CDK6: variants seen among roughly 807,000 people sequenced by gnomAD.
CDK6 encodes the protein cyclin dependent kinase 6.
In CDK6, 6 loss-of-function variants were observed where a neutral mutation model predicts 37.1. The observed-to-expected ratio is 0.16, with a 90% CI of 0.09 to 0.32. The LOEUF is 0.32. Ranked by LOEUF, CDK6 falls within the 10% of genes least tolerant of loss-of-function variation. The pLI, the probability that CDK6 is intolerant of heterozygous loss-of-function variation, is 1.00. For missense variants in CDK6, 224 were observed against 418.9 expected (o/e 0.53, Z 4.06); for synonymous variants, 160 against 161.3 (o/e 0.99, Z 0.06).
intron 4 of CDK6, among the ~76,000 whole-genome samples, chr7:92,712,085 G>A (rs986518639): frequency 1.3e-5 from 2 of 151,652 alleles, no homozygotes; most frequent in East Asian, 1.9e-4. Flanking sequence ...CTGTGAACCC[G>A]GGAGGCAGAG....
At chr7:92,766,133 T>G (rs1254380313) in intron 3 of CDK6, among the ~76,000 whole-genome samples, 9 of 152,144 alleles carry the variant, frequency 5.9e-5, no homozygotes, top group Admixed American at 2.6e-4. Context: ...AGCTAAGTTT[T>G]CAGTAGGGAA....
At chr7:92,784,323 T>C (rs1042516955) in intron 2 of CDK6, among the ~76,000 whole-genome samples, 4 of 152,064 alleles carry the variant, frequency 2.6e-5, no homozygotes, top group Non-Finnish European at 5.9e-5. Context: ...CCAGTTCCAA[T>C]ACAAAATAGA....
At chr7:92,712,986 G>A (rs1348451944) in intron 4 of CDK6, among the ~76,000 whole-genome samples, 2 of 152,030 alleles carry the variant, frequency 1.3e-5, no homozygotes, top group Admixed American at 6.5e-5. Flanking sequence ...GCCCCAGCCT[G>A]TAGCTGGGAC....
At chr7:92,719,492 A>C (rs1260815434) in intron 4 of CDK6, among the ~76,000 whole-genome samples, 1 of 152,198 alleles carries the variant, frequency 6.6e-6, no homozygotes, top group Non-Finnish European at 1.5e-5. Flanking sequence ...TTTTCAGAAC[A>C]TGTATATCTT....
chr7:92,673,777 C>T (rs894736974), intron 4 of CDK6, among the ~76,000 whole-genome samples: 4 of 151,764 alleles, frequency 2.6e-5, no homozygotes, highest in African/African-American at 7.3e-5. Context: ...TTTGTTCCTT[C>T]CTTTTTTTTT....
intron 4 of CDK6, among the ~76,000 whole-genome samples, chr7:92,722,448 C>T (rs1798390296): frequency 6.6e-6 from 1 of 152,202 alleles, no homozygotes; most frequent in Non-Finnish European, 1.5e-5. Context: ...AATACACAGA[C>T]TGTGAACTTG....
At chr7:92,720,472 T>C (rs966161055) in intron 4 of CDK6, among the ~76,000 whole-genome samples, 1 of 152,180 alleles carries the variant, frequency 6.6e-6, no homozygotes, top group African/African-American at 2.4e-5. Flanking sequence ...CAAAATGAAA[T>C]GGTTGATAAA....
rs149241150 is a variant in CDK6, at chr7:92,609,955, A to AT, written c.*5184dup. The AT allele has an allele frequency of 4.3e-3, 999 of 230,290 alleles. 10 individuals carry two copies. The highest frequency in any genetic ancestry group is 0.021 in the African/African-American group (951 of 45,342). 14.3% of individuals were successfully genotyped at this position (230,290 alleles called of 1,614,324 possible). On this transcript the variant is annotated 3_prime_UTR_variant, in exon 8 of 8. Transcript: ENST00000424848. ...TAAAATATTGAAGTTACAGAACATT[A>AT]TAGAGACTATTAATCATCCCAAAAA... is the stretch of plus-strand genomic sequence containing the variant.
At chr7:92,652,243 T>A (rs963767876) in intron 5 of CDK6, among the ~76,000 whole-genome samples, 3 of 152,238 alleles carry the variant, frequency 2.0e-5, no homozygotes, top group Non-Finnish European at 4.4e-5. Flanking sequence ...AGTTTAACCC[T>A]ATTTGCCTTT....
At chr7:92,796,905 C>T (rs770383696) in intron 2 of CDK6, among the ~76,000 whole-genome samples, 1 of 151,950 alleles carries the variant, frequency 6.6e-6, no homozygotes, top group Non-Finnish European at 1.5e-5. Flanking sequence ...AGACAGGTAA[C>T]ATGGTATCCC....
chr7:92,794,277 A>T (rs1193211174), intron 2 of CDK6, among the ~76,000 whole-genome samples: 1 of 152,116 alleles, frequency 6.6e-6, no homozygotes, highest in Non-Finnish European at 1.5e-5. Context: ...AGGTACCATC[A>T]TCTCTTTCAC....
At chr7:92,751,039 A>AT (rs964945835) in intron 3 of CDK6, among the ~76,000 whole-genome samples, 8 of 152,110 alleles carry the variant, frequency 5.3e-5, no homozygotes, top group Admixed American at 3.3e-4. Flanking sequence ...AGGTCTTCGT[A>AT]TTTTTTTACA....
chr7:92,827,431 TG>T (rs1243627722), intron 2 of CDK6, among the ~76,000 whole-genome samples: 1 of 152,280 alleles, frequency 6.6e-6, no homozygotes, highest in African/African-American at 2.4e-5. Context: ...ACTGTACACT[TG>T]CATAGATTCC....
In CDK6 at chr7:92,659,637, A is replaced by AC. The variant is rs1307634268; in HGVS notation, c.647+11788dup. Among the ~76,000 whole-genome samples, 802 of 135,308 alleles carry AC rather than the reference A, an allele frequency of 5.9e-3. 7 individuals carry two copies. The highest frequency in any genetic ancestry group is 0.021 in the African/African-American group (762 of 35,636). The allele number at this position is 135,308 out of a possible 152,430, so 88.8% of individuals were successfully genotyped here. A position where few individuals can be genotyped will look rare whatever the true frequency, so the allele number is the denominator to read the frequency against. On this transcript the variant is annotated intron_variant, in intron 5 of 7. Coordinates refer to ENST00000424848, the MANE Select transcript of CDK6 (RefSeq NM_001145306.2). ...ACACACACACACACACACACACACC[A>AC]CACACACACACACTTTTGAATTCAT...
chr7:92,642,400 C>T (rs1437048048), intron 5 of CDK6, among the ~76,000 whole-genome samples: 2 of 152,082 alleles, frequency 1.3e-5, no homozygotes, highest in Non-Finnish European at 2.9e-5. Context: ...GCCATGCCGC[C>T]CAGCCCACTG....
At chr7:92,781,234 C>A (rs1333854081) in intron 2 of CDK6, among the ~76,000 whole-genome samples, 1 of 152,236 alleles carries the variant, frequency 6.6e-6, no homozygotes, top group Non-Finnish European at 1.5e-5. Context: ...CCCTAACTCT[C>A]CCACAAAGTA....
intron 2 of CDK6, among the ~76,000 whole-genome samples, chr7:92,805,446 C>T (rs1036103877): frequency 4.6e-5 from 7 of 152,162 alleles, no homozygotes; most frequent in African/African-American, 1.7e-4. Flanking sequence ...ATGATTTTCC[C>T]ACCAAAATGA....
At position 92,833,718 on chromosome 7, in the gene CDK6, G is replaced by C. The variant is rs902929216; in HGVS notation, c.-367-28C>G. ...AAAGGAGGAGACGGGAGGATAAGAA[G>C]AAAGTGCAATCAGACAGCCCAGAAG... On this transcript the variant is annotated intron_variant, in intron 1 of 7. Transcript: ENST00000424848. The surrounding 1 kb of genome is among the most constrained non-coding windows in gnomAD (Gnocchi z 6.1). 5 of 433,166 alleles carry C rather than the reference G, an allele frequency of 1.2e-5. No individual in the cohort carries two copies. Among genetic ancestry groups the C allele is most frequent in the Non-Finnish European group, 2.0e-5 (5 of 249,042 alleles). 26.8% of individuals were successfully genotyped at this position (433,166 alleles called of 1,614,324 possible). A position where few individuals can be genotyped will look rare whatever the true frequency, so the allele number is the denominator to read the frequency against.
chr7:92,713,947 TCCTCCTCTA>T (rs1798161116), intron 4 of CDK6, among the ~76,000 whole-genome samples: 1 of 152,146 alleles, frequency 6.6e-6, no homozygotes, highest in African/African-American at 2.4e-5. Flanking sequence ...CCAACCTCAG[TCCTCCTCTA>T]CCTCCTCTAC....
Sources: allele counts gnomAD v4.1 joint callset (sites outside exome capture counted in the v4.1 genomes callset), GRCh38; gene constraint gnomAD v4.1.1; non-coding constraint Gnocchi (gnomAD v3.1); transcripts MANE v1.5; gene names NCBI Gene and HGNC (gene_info 2026-07-23, HGNC 2026-07-21).